Variants in PUM2 observed in about 807,000 individuals in gnomAD.
The protein encoded by PUM2 is pumilio RNA binding family member 2.
In PUM2, 57 loss-of-function variants were observed where a neutral mutation model predicts 124.5. The observed-to-expected ratio is 0.46, with a 90% CI of 0.37 to 0.57. The LOEUF (loss-of-function observed/expected upper bound fraction) is 0.57, where lower values mean the gene tolerates loss of function less well. Among genes scored for constraint, PUM2 ranks in the 20% least tolerant of loss-of-function variants. The pLI, the probability that PUM2 is intolerant of heterozygous loss-of-function variation, is 0.00. For missense variants in PUM2, 1,065 were observed against 1,290.6 expected (o/e 0.83, Z 2.68); for synonymous variants, 460 against 446.1 (o/e 1.03, Z -0.39).
chr2:20,261,422 A>AAAAAG (rs1666230432), intron 14 of PUM2, among the ~76,000 whole-genome samples: 1 of 144,614 alleles, frequency 6.9e-6, no homozygotes, highest in Non-Finnish European at 1.5e-5. Flanking sequence ...AAAAAAAAAA[A>AAAAAG]GTGTAGTACA....
At chr2:20,304,237 T>TG (rs1281286363) in intron 7 of PUM2, among the ~76,000 whole-genome samples, 1 of 152,188 alleles carries the variant, frequency 6.6e-6, no homozygotes, top group Non-Finnish European at 1.5e-5. Flanking sequence ...GTAGGTCACC[T>TG]GGCTTTATTC....
chr2:20,309,332 T>TAA (rs1679075761), intron 5 of PUM2, among the ~76,000 whole-genome samples: 1 of 151,872 alleles, frequency 6.6e-6, no homozygotes, highest in Non-Finnish European at 1.5e-5. Context: ...ATGCTTATTA[T>TAA]ACCAAATAGT....
chr2:20,302,415 T>G (rs1677216948), intron 7 of PUM2, among the ~76,000 whole-genome samples: 1 of 152,348 alleles, frequency 6.6e-6, no homozygotes, highest in Admixed American at 6.5e-5. Context: ...GTTGTTTGGC[T>G]ATCAACAAGG....
intron 14 of PUM2, among the ~76,000 whole-genome samples, chr2:20,262,122 A>T (rs1666444568): frequency 6.6e-6 from 1 of 152,180 alleles, no homozygotes; most frequent in Non-Finnish European, 1.5e-5. Flanking sequence ...CATTAAGGTT[A>T]ATTTATTATT....
chr2:20,306,331 T>G (rs1300802616), intron 7 of PUM2, among the ~76,000 whole-genome samples: 1 of 152,184 alleles, frequency 6.6e-6, no homozygotes, highest in Non-Finnish European at 1.5e-5. Flanking sequence ...AAGCTAATTT[T>G]GAAGTTCATA....
chr2:20,282,611 T>C (rs941654446), intron 12 of PUM2, among the ~76,000 whole-genome samples: 3 of 152,182 alleles, frequency 2.0e-5, no homozygotes, highest in Non-Finnish European at 2.9e-5. Context: ...TCCACAAACA[T>C]TATGTAGTGA....
intron 20 of PUM2, 100 bp downstream of exon 20, chr2:20,253,722 C>T: frequency 4.5e-6 from 5 of 1,110,908 alleles, no homozygotes; most frequent in Non-Finnish European, 6.2e-6. Flanking sequence ...AATTTTTCCT[C>T]CAGTTATAAC....
chr2:20,336,082 A>T lies in PUM2; in HGVS notation c.-18-8704T>A, dbSNP rs897650104. Among the ~76,000 whole-genome samples, 60 of 152,340 alleles carry T rather than the reference A, an allele frequency of 3.9e-4. 1 individual carries two copies. The highest frequency in any genetic ancestry group is 1.4e-3 in the African/African-American group (60 of 41,574). ...CAGCCTCAATCTATGCTGGGTTTTG[A>T]TGCTTTAGGTATTGTCTGAGAGAAG... is the stretch of plus-strand genomic sequence containing the variant. On this transcript the variant is annotated intron_variant, in intron 1 of 20. Coordinates refer to ENST00000361078, the MANE Select transcript of PUM2 (RefSeq NM_015317.5).
intron 2 of PUM2, among the ~76,000 whole-genome samples, chr2:20,320,539 A>C (rs534466749): frequency 3.0e-4 from 45 of 152,250 alleles, no homozygotes; most frequent in Non-Finnish European, 3.1e-4. Flanking sequence ...TAAATGTTTT[A>C]ATTAAAAAAT....
intron 13 of PUM2, among the ~76,000 whole-genome samples, chr2:20,271,227 T>C (rs1668939298): frequency 6.6e-6 from 1 of 152,154 alleles, no homozygotes; most frequent in Admixed American, 6.5e-5. Flanking sequence ...AAAGATAAAA[T>C]AGCAATTACT....
rs1432281239 is a variant in PUM2, at chr2:20,253,999, CTT to C, written c.2884_2885del (p.Lys962ValfsTer9). The C allele has an allele frequency of 6.2e-7, 1 of 1,607,408 alleles. No homozygotes were observed. Among genetic ancestry groups the C allele is most frequent in the Non-Finnish European group, 8.5e-7 (1 of 1,178,316 alleles). On this transcript the variant is annotated frameshift_variant, in exon 20 of 21. Coordinates refer to ENST00000361078, the MANE Select transcript of PUM2 (RefSeq NM_015317.5). LOFTEE classifies it high-confidence loss of function. ...CAGCACGGGAGGCATGAGTAACACA[CTT>C]TTCTACTACATTGCTAAAAATTAAA... is the stretch of plus-strand genomic sequence containing the variant. ...QHKFASNVVE[K>X]CVTHASRAER...
intron 8 of PUM2, 77 bp downstream of exon 8, chr2:20,297,476 G>A: frequency 7.8e-7 from 1 of 1,285,276 alleles, no homozygotes; most frequent in Non-Finnish European, 1.0e-6. Context: ...TGCCCAAATA[G>A]AGAAAAATAA....
intron 7 of PUM2, among the ~76,000 whole-genome samples, chr2:20,299,391 A>G (rs1199898228): frequency 6.6e-6 from 1 of 152,058 alleles, no homozygotes; most frequent in Non-Finnish European, 1.5e-5. Context: ...TAGGCCAGGC[A>G]TGGTGGCTCA....
intron 15 of PUM2, among the ~76,000 whole-genome samples, chr2:20,258,578 T>C (rs1439132637): frequency 6.6e-6 from 1 of 152,148 alleles, no homozygotes; most frequent in Non-Finnish European, 1.5e-5. Flanking sequence ...TAAAATTTCC[T>C]TGTTACTAAT....
At chr2:20,306,523 A>G (rs1678338835) in intron 7 of PUM2, among the ~76,000 whole-genome samples, 1 of 152,074 alleles carries the variant, frequency 6.6e-6, no homozygotes. Flanking sequence ...GCGGGTGGGG[A>G]AAAAAGGAAA....
At chr2:20,272,208 G>C (rs1424801239) in intron 13 of PUM2, among the ~76,000 whole-genome samples, 2 of 145,354 alleles carry the variant, frequency 1.4e-5, no homozygotes, top group African/African-American at 2.5e-5. Flanking sequence ...TAAATAAATA[G>C]AAAAGCATCC....
At chr2:20,312,134 T>A (rs978894579) in intron 4 of PUM2, 102 bp downstream of exon 4, 3 of 1,101,602 alleles carry the variant, frequency 2.7e-6, no homozygotes, top group African/African-American at 1.6e-5. Flanking sequence ...TTCTCTTAGC[T>A]ATAGGAAGGG....
intron 13 of PUM2, among the ~76,000 whole-genome samples, chr2:20,264,066 T>C (rs1435505025): frequency 6.6e-6 from 1 of 151,650 alleles, no homozygotes; most frequent in Non-Finnish European, 1.5e-5. Context: ...AGGTTGGGCG[T>C]CGTGGCTCAT....
At position 20,321,024 on chromosome 2, in the gene PUM2, CAAAG is replaced by C. The variant is rs145263124; in HGVS notation, c.52-2383_52-2380del. ...TAACTAATAAAGCATTTATCACAGA[CAAAG>C]AAGTGGCTAAAATAGACTAATCTTA... On this transcript the variant is annotated intron_variant, in intron 2 of 20. Coordinates refer to ENST00000361078, the MANE Select transcript of PUM2 (RefSeq NM_015317.5). Among the ~76,000 whole-genome samples, 875 of 152,244 alleles carry C rather than the reference CAAAG, an allele frequency of 5.7e-3. 3 individuals are homozygous for C. Among genetic ancestry groups the C allele is most frequent in the Non-Finnish European group, 9.9e-3 (673 of 68,006 alleles).
Sources: allele counts gnomAD v4.1 joint callset (sites outside exome capture counted in the v4.1 genomes callset), GRCh38; gene constraint gnomAD v4.1.1; transcripts MANE v1.5; gene names NCBI Gene and HGNC (gene_info 2026-07-23, HGNC 2026-07-21).